Variants in OSBPL1A observed in about 807,000 individuals in gnomAD.
The protein encoded by OSBPL1A is oxysterol binding protein like 1A.
A neutral mutation model predicts 137.1 loss-of-function variants in OSBPL1A; 80 were observed. The ratio of observed to expected loss-of-function variants is 0.58; its 90% confidence interval spans 0.49 to 0.70. The LOEUF (loss-of-function observed/expected upper bound fraction) is 0.70, where lower values mean the gene tolerates loss of function less well. OSBPL1A is among the 30% of genes least tolerant of loss of function. The probability of loss-of-function intolerance (pLI) is 0.00; values close to 1 mark genes in which losing one functional copy is unlikely to be tolerated. For synonymous variants in OSBPL1A, 365 were observed against 389.7 expected, an observed-to-expected ratio of 0.94 and a Z score of 0.75; for missense variants, 970 against 1,129.4, an observed-to-expected ratio of 0.86 and a Z score of 2.02.
intron 13 of OSBPL1A, among the ~76,000 whole-genome samples, chr18:24,306,813 A>G (rs1466589027): frequency 6.6e-6 from 1 of 152,200 alleles, no homozygotes; most frequent in Non-Finnish European, 1.5e-5. Context: ...CAAACATTAT[A>G]TTTCAATATT....
intron 2 of OSBPL1A, among the ~76,000 whole-genome samples, chr18:24,376,474 G>T (rs1906147317): frequency 6.6e-6 from 1 of 152,214 alleles, no homozygotes. Flanking sequence ...AGACATAAAG[G>T]TTCTCCACCT....
Position 24,253,173 on chromosome 18 carries a change from G to GC in OSBPL1A, c.1282-13792_1282-13791insG, listed in dbSNP as rs201967572. ...CTCCAATGAAAAGACATGGCGGGGG[G>GC]GGGCGCTGAATGGATGAAAAAAACA... On this transcript the variant is annotated intron_variant, in intron 15 of 27. Transcript: ENST00000319481. Among the ~76,000 whole-genome samples, 351 of 137,186 alleles carry GC rather than the reference G, an allele frequency of 2.6e-3. 14 individuals are homozygous for GC. The highest frequency in any genetic ancestry group is 8.6e-3 in the African/African-American group (335 of 38,794). 90.0% of individuals were successfully genotyped at this position (137,186 alleles called of 152,430 possible).
intron 14 of OSBPL1A, among the ~76,000 whole-genome samples, chr18:24,285,488 T>C (rs886177084): frequency 6.6e-6 from 1 of 152,236 alleles, no homozygotes; most frequent in African/African-American, 2.4e-5. Flanking sequence ...TAACTACATT[T>C]TGTTTTTTAC....
chr18:24,259,040 C>T (rs571642746), intron 15 of OSBPL1A, among the ~76,000 whole-genome samples: 1 of 150,750 alleles, frequency 6.6e-6, no homozygotes, highest in Non-Finnish European at 1.5e-5. Context: ...CGGGTTCACG[C>T]CATTCTCCTG....
chr18:24,357,196 G>A (rs991950255), intron 4 of OSBPL1A: 1 of 152,136 alleles, frequency 6.6e-6, no homozygotes, highest in African/African-American at 2.4e-5. Context: ...CTCTGAAGAT[G>A]ATTTTTGAGG....
chr18:24,182,151 AG>A (rs1485619107), intron 18 of OSBPL1A, among the ~76,000 whole-genome samples: 2 of 152,174 alleles, frequency 1.3e-5, no homozygotes, highest in Non-Finnish European at 2.9e-5. Context: ...ATTATGGTCT[AG>A]GGTACTAGCA....
At chr18:24,189,915 G>A (rs771728618) in intron 18 of OSBPL1A, among the ~76,000 whole-genome samples, 8 of 152,372 alleles carry the variant, frequency 5.3e-5, no homozygotes, top group Middle Eastern at 6.8e-3. Context: ...AAGGCGCCAC[G>A]GAGTGGGAAA....
At chr18:24,323,712 A>C (rs12968281) in intron 7 of OSBPL1A, among the ~76,000 whole-genome samples, 1 of 13,166 alleles carries the variant, frequency 7.6e-5, no homozygotes, top group Non-Finnish European at 1.3e-4. Context: ...CCCCGACCCC[A>C]CCACAGTCCC....
In OSBPL1A at chr18:24,167,524, G is replaced by A; in HGVS notation, c.2419-79C>T. On this transcript the variant is annotated intron_variant, in intron 24 of 27. Coordinates refer to ENST00000319481, the MANE Select transcript of OSBPL1A (RefSeq NM_080597.4). Reference sequence around the variant, plus strand: ...CAAGCACCACATAATGACATTTTCAGTCAACAACAGACTGTAAATATGATG... The same window carrying A: ...CAAGCACCACATAATGACATTTTCAATCAACAACAGACTGTAAATATGATG... The A allele has an allele frequency of 3.5e-6, 4 of 1,145,086 alleles. No homozygotes were observed. In the Admixed American group the frequency reaches 5.1e-5, roughly 15 times the overall value. The allele number at this position is 1,145,086 out of a possible 1,614,324, so 70.9% of individuals were successfully genotyped here.
chr18:24,380,805 AGC>A (rs1245660211), intron 1 of OSBPL1A, among the ~76,000 whole-genome samples: 1 of 152,140 alleles, frequency 6.6e-6, no homozygotes, highest in African/African-American at 2.4e-5. Flanking sequence ...CAAAAAAATT[AGC>A]CAGGCATGGT....
chr18:24,376,324 G>GC (rs1368734030), intron 2 of OSBPL1A, among the ~76,000 whole-genome samples: 1 of 152,136 alleles, frequency 6.6e-6, no homozygotes, highest in Non-Finnish European at 1.5e-5. Context: ...GTTCTCCAAG[G>GC]CCCCACCAGA....
chr18:24,268,871 T>C (rs1242786507), intron 15 of OSBPL1A, among the ~76,000 whole-genome samples: 1 of 152,242 alleles, frequency 6.6e-6, no homozygotes, highest in Non-Finnish European at 1.5e-5. Context: ...CAAATTTTTA[T>C]CAGACACCTA....
At chr18:24,237,005 A>T (rs977626560) in intron 16 of OSBPL1A, among the ~76,000 whole-genome samples, 4 of 152,164 alleles carry the variant, frequency 2.6e-5, no homozygotes, top group African/African-American at 9.7e-5. Context: ...AGCTTATAAC[A>T]CTGACAGTAA....
chr18:24,363,150 G>A (rs757047733), intron 4 of OSBPL1A, among the ~76,000 whole-genome samples: 26 of 152,306 alleles, frequency 1.7e-4, no homozygotes, highest in South Asian at 4.2e-4. Context: ...GCTTTCTACC[G>A]CTGCTATAAC....
At chr18:24,209,305 G>C (rs905699105) in intron 17 of OSBPL1A, among the ~76,000 whole-genome samples, 8 of 152,046 alleles carry the variant, frequency 5.3e-5, no homozygotes, top group Admixed American at 1.3e-4. Context: ...AATGGCTAAG[G>C]AAAACATGCA....
intron 4 of OSBPL1A, among the ~76,000 whole-genome samples, chr18:24,355,769 G>GAGGTCAGGAGTTCAAGACC (rs2091522990): frequency 2.6e-5 from 4 of 152,148 alleles, no homozygotes; most frequent in Admixed American, 2.6e-4. Flanking sequence ...CAGATCACCT[G>GAGGTCAGGAGTTCAAGACC]AGGTCAGGAG....
intron 23 of OSBPL1A, 141 bp downstream of exon 23, chr18:24,171,268 G>A (rs2086279172): frequency 1.1e-5 from 6 of 569,298 alleles, no homozygotes; most frequent in South Asian, 4.9e-5. Context: ...ACCTGACCTC[G>A]TGATCTGCCC....
chr18:24,229,064 A>G (rs1214400702), intron 16 of OSBPL1A, among the ~76,000 whole-genome samples: 2 of 152,014 alleles, frequency 1.3e-5, no homozygotes, highest in Non-Finnish European at 2.9e-5. Context: ...AGCCCGGCAT[A>G]GTGGCACTCC....
chr18:24,309,013 C>T (rs2090563949), intron 13 of OSBPL1A, among the ~76,000 whole-genome samples: 1 of 152,150 alleles, frequency 6.6e-6, no homozygotes, highest in African/African-American at 2.4e-5. Flanking sequence ...TCAAGTGATC[C>T]ACCCACCTCA....
Sources: allele counts gnomAD v4.1 joint callset (sites outside exome capture counted in the v4.1 genomes callset), GRCh38; gene constraint gnomAD v4.1.1; transcripts MANE v1.5; gene names NCBI Gene and HGNC (gene_info 2026-07-23, HGNC 2026-07-21).